The following SLC36A4 variants were observed in gnomAD, a reference collection of about 807,000 sequenced individuals.
SLC36A4 encodes neutral amino acid uniporter 4.
A neutral mutation model predicts 50.5 loss-of-function variants in SLC36A4; 49 were observed. The observed-to-expected ratio is 0.97, with a 90% CI of 0.77 to 1.23. The LOEUF (loss-of-function observed/expected upper bound fraction) is 1.23. Ranked by LOEUF, SLC36A4 falls within the 50% of genes most tolerant of loss-of-function variation. SLC36A4 has a pLI of 0.00. For synonymous variants in SLC36A4, 207 were observed against 206.5 expected (o/e 1.00, Z -0.02); for missense variants, 611 against 608.4 (o/e 1.00, Z -0.05).
intron 9 of SLC36A4, chr11:93,155,452 A>C (rs953936030): frequency 3.9e-5 from 6 of 152,162 alleles, no homozygotes; most frequent in Non-Finnish European, 5.9e-5. Context: ...TTGGTATATA[A>C]TGTCAAGGTA....
intron 6 of SLC36A4, among the ~76,000 whole-genome samples, chr11:93,177,930 G>A (rs1424702791): frequency 1.3e-5 from 2 of 152,234 alleles, no homozygotes; most frequent in Non-Finnish European, 2.9e-5. Flanking sequence ...GTCTGCAGAA[G>A]TTTCTGCTGC....
In SLC36A4 at chr11:93,144,528, T is replaced by G. The variant is rs1590920074; in HGVS notation, c.*4009A>C. On this transcript the variant is annotated 3_prime_UTR_variant, in exon 11 of 11. Transcript: ENST00000326402. ...GTGTCTGCATATACTTGTGCACGCA[T>G]GCATGTAGGAACTAGCTAATTTTAA... The G allele has an allele frequency of 6.6e-6, 1 of 152,062 alleles. No homozygotes were observed. Among genetic ancestry groups the G allele is most frequent in the African/African-American group, 2.4e-5 (1 of 41,430 alleles). 9.4% of individuals were successfully genotyped at this position (152,062 alleles called of 1,614,324 possible).
chr11:93,160,633 T>C lies in SLC36A4; in HGVS notation c.1037+2073A>G, dbSNP rs189765375. 9.1e-6 allele frequency: 9 copies of C among 985,398 alleles called. No individual in the cohort carries two copies. In the African/African-American group the frequency reaches 1.6e-4, roughly 17 times the overall value. The allele number at this position is 985,398 out of a possible 1,614,324, so 61.0% of individuals were successfully genotyped here. ...GCCCACTATTTCTACACCACATTCT[T>C]ATGTGCCTGGTAATACAAACCTTTC... On this transcript the variant is annotated intron_variant, in intron 9 of 10. Coordinates refer to ENST00000326402, the MANE Select transcript of SLC36A4 (RefSeq NM_152313.4).
At chr11:93,150,764 C>T (rs1168806619) in intron 10 of SLC36A4, among the ~76,000 whole-genome samples, 1 of 151,988 alleles carries the variant, frequency 6.6e-6, no homozygotes, top group Non-Finnish European at 1.5e-5. Context: ...GTTAGGACCT[C>T]TCAAAATTCA....
intron 6 of SLC36A4, among the ~76,000 whole-genome samples, chr11:93,170,395 A>G (rs1861075913): frequency 6.6e-6 from 1 of 152,114 alleles, no homozygotes; most frequent in Non-Finnish European, 1.5e-5. Context: ...AAGTTATAGT[A>G]CCCTACATTT....
At chr11:93,173,925 T>C (rs1351247199) in intron 6 of SLC36A4, among the ~76,000 whole-genome samples, 1 of 142,360 alleles carries the variant, frequency 7.0e-6, no homozygotes, top group South Asian at 2.4e-4. Context: ...GACTTGGCGA[T>C]GCGGGCTCTT....
At chr11:93,177,944 T>C (rs1431742361) in intron 6 of SLC36A4, among the ~76,000 whole-genome samples, 2 of 152,192 alleles carry the variant, frequency 1.3e-5, no homozygotes, top group African/African-American at 4.8e-5. Flanking sequence ...CTGCTGCCTT[T>C]TGTTTAGCTA....
chr11:93,154,447 T>G (rs1860253755), intron 9 of SLC36A4, 170 bp from the exon 10 acceptor site: 1 of 352,590 alleles, frequency 2.8e-6, no homozygotes, highest in Non-Finnish European at 5.1e-6. Context: ...TAACTAAATT[T>G]CTAGATGATA....
At position 93,185,365 on chromosome 11, in the gene SLC36A4, C is replaced by T. The variant is rs535742820; in HGVS notation, c.179+326G>A. 11 of 187,750 alleles carry T rather than the reference C, an allele frequency of 5.9e-5. No individual in the cohort carries two copies. The South Asian group carries it at 1.4e-3, about 23-fold the overall frequency. 11.6% of individuals were successfully genotyped at this position (187,750 alleles called of 1,614,324 possible). A position where few individuals can be genotyped will look rare whatever the true frequency, so the allele number is the denominator to read the frequency against. ...AAGTTACAATGCATTTCTACCTCCACGACTTTGTTTCAGTATAAAGAAGCA... is the reference window on the plus strand; with the variant it reads ...AAGTTACAATGCATTTCTACCTCCATGACTTTGTTTCAGTATAAAGAAGCA... On this transcript the variant is annotated intron_variant, in intron 2 of 10. Coordinates refer to ENST00000326402, the MANE Select transcript of SLC36A4 (RefSeq NM_152313.4).
At chr11:93,169,127 C>G (rs1383143478) in intron 6 of SLC36A4, among the ~76,000 whole-genome samples, 1 of 151,946 alleles carries the variant, frequency 6.6e-6, no homozygotes, top group Admixed American at 6.6e-5. Flanking sequence ...TTCTTAAGAC[C>G]TTGTAATAAT....
At chr11:93,176,231 T>C (rs1226449074) in intron 6 of SLC36A4, among the ~76,000 whole-genome samples, 3 of 151,914 alleles carry the variant, frequency 2.0e-5, no homozygotes, top group Non-Finnish European at 4.4e-5. Flanking sequence ...TTGATCTTTG[T>C]TGGTTTAAAG....
intron 1 of SLC36A4, among the ~76,000 whole-genome samples, chr11:93,196,013 C>T (rs1014101501): frequency 6.6e-6 from 1 of 152,154 alleles, no homozygotes; most frequent in Non-Finnish European, 1.5e-5. Flanking sequence ...TTACTAAATA[C>T]AAGCTCCATT....
chr11:93,177,760 GTA>G, intron 6 of SLC36A4, among the ~76,000 whole-genome samples: 1 of 152,186 alleles, frequency 6.6e-6, no homozygotes, highest in African/African-American at 2.4e-5. Context: ...GGACCCGGCT[GTA>G]TGAGATATCA....
intron 5 of SLC36A4, 96 bp from the exon 6 acceptor site, chr11:93,180,977 T>G: frequency 1.2e-6 from 1 of 850,772 alleles, no homozygotes; most frequent in Non-Finnish European, 1.9e-6. Flanking sequence ...CATTTTATTA[T>G]AGCATATATT....
chr11:93,185,457 C>T (rs1861941488), intron 2 of SLC36A4: 2 of 337,520 alleles, frequency 5.9e-6, no homozygotes, highest in Non-Finnish European at 1.1e-5. Flanking sequence ...AATCAGATCT[C>T]CCTTCTTTCA....
chr11:93,148,810 A>G lies in SLC36A4; in HGVS notation c.1242T>C (p.Ile414=). 1 of 1,612,744 alleles carries G rather than the reference A, an allele frequency of 6.2e-7. No individual in the cohort carries two copies. Residue 414 remains isoleucine (I), a synonymous_variant, in exon 11 of 11, where the codon ATT becomes ATC. Transcript: ENST00000326402. ...TCACAGCTCCAACGAAGGAAATCAC[A>G]ATGTCTAAACGAGGAATAAGAATTG... The part of the protein sequence containing the change: ...AGAILIPRLD[I]VISFVGAVSS...
At chr11:93,173,840 G>T in intron 6 of SLC36A4, among the ~76,000 whole-genome samples, 1 of 130,308 alleles carries the variant, frequency 7.7e-6, no homozygotes, top group African/African-American at 2.9e-5. Flanking sequence ...TGCTGTTTTG[G>T]TTACTGTAGC....
At chr11:93,150,314 G>C (rs1170690227) in intron 10 of SLC36A4, among the ~76,000 whole-genome samples, 1 of 151,988 alleles carries the variant, frequency 6.6e-6, no homozygotes, top group Non-Finnish European at 1.5e-5. Flanking sequence ...TAGTAATTTA[G>C]TTTTCAGCTT....
chr11:93,171,244 A>G (rs1222697474), intron 6 of SLC36A4: 1 of 152,108 alleles, frequency 6.6e-6, no homozygotes, highest in Non-Finnish European at 1.5e-5. Flanking sequence ...GGACATGTGC[A>G]AAGTTAAACT....
Sources: allele counts gnomAD v4.1 joint callset (sites outside exome capture counted in the v4.1 genomes callset), GRCh38; gene constraint gnomAD v4.1.1; transcripts MANE v1.5; gene names NCBI Gene and HGNC (gene_info 2026-07-23, HGNC 2026-07-21).